KCNH8: variants seen among roughly 807,000 people sequenced by gnomAD.
The protein encoded by KCNH8 is potassium voltage-gated channel subfamily H member 8.
Under a neutral mutation model 103.6 loss-of-function variants are expected in KCNH8, and 70 were observed. That is an observed-to-expected ratio of 0.68 (90% CI 0.56 to 0.82). KCNH8 has a LOEUF of 0.82. Among genes scored for constraint, KCNH8 ranks in the 40% least tolerant of loss-of-function variants. The pLI, the probability that KCNH8 is intolerant of heterozygous loss-of-function variation, is 0.00. For missense variants in KCNH8, 1,217 were observed against 1,329.9 expected (o/e 0.92, Z 1.32); for synonymous variants, 498 against 489.4 (o/e 1.02, Z -0.23).
intron 1 of KCNH8, among the ~76,000 whole-genome samples, chr3:19,246,662 A>AT (rs1478138298): frequency 2.0e-5 from 3 of 152,178 alleles, no homozygotes; most frequent in South Asian, 4.2e-4. Flanking sequence ...AGTCTCTCTT[A>AT]TTTTTTTATC....
At chr3:19,452,387 CA>C in intron 10 of KCNH8, among the ~76,000 whole-genome samples, 1 of 151,530 alleles carries the variant, frequency 6.6e-6, no homozygotes, top group East Asian at 1.9e-4. Context: ...GACAGAGTCT[CA>C]AAAAAAATCA....
At chr3:19,329,912 C>G (rs1474572519) in intron 3 of KCNH8, among the ~76,000 whole-genome samples, 1 of 151,194 alleles carries the variant, frequency 6.6e-6, no homozygotes, top group Non-Finnish European at 1.5e-5. Context: ...TTCTGATTGG[C>G]TTTTAGCTTT....
intron 3 of KCNH8, among the ~76,000 whole-genome samples, chr3:19,312,605 C>T (rs182781852): frequency 9.4e-4 from 143 of 152,034 alleles, no homozygotes; most frequent in Non-Finnish European, 1.1e-3. Context: ...CCAATCACAG[C>T]TTCTCGTCAT....
intron 3 of KCNH8, among the ~76,000 whole-genome samples, chr3:19,313,200 CA>C (rs2125298381): frequency 6.6e-6 from 1 of 151,882 alleles, no homozygotes; most frequent in South Asian, 2.1e-4. Context: ...GGCAGGCACT[CA>C]AAAGGGGGCT....
intron 15 of KCNH8, among the ~76,000 whole-genome samples, chr3:19,524,589 A>G (rs1385038931): frequency 6.7e-6 from 1 of 150,294 alleles, no homozygotes; most frequent in African/African-American, 2.4e-5. Context: ...GGATCTCTCA[A>G]AAGAAAAAAA....
intron 2 of KCNH8, among the ~76,000 whole-genome samples, chr3:19,279,951 A>C (rs951247033): frequency 2.0e-5 from 3 of 152,154 alleles, no homozygotes; most frequent in African/African-American, 7.2e-5. Flanking sequence ...CACCCAAATA[A>C]GACAAGAATT....
chr3:19,161,577 TAATTG>T (rs1449944662), intron 1 of KCNH8, among the ~76,000 whole-genome samples: 1 of 152,228 alleles, frequency 6.6e-6, no homozygotes, highest in Non-Finnish European at 1.5e-5. Context: ...CTTTTGTATC[TAATTG>T]AATTGAAGTA....
chr3:19,211,934 A>G (rs1410914569), intron 1 of KCNH8, among the ~76,000 whole-genome samples: 2 of 152,164 alleles, frequency 1.3e-5, no homozygotes, highest in Non-Finnish European at 2.9e-5. Flanking sequence ...TTAATCACTG[A>G]ATTTGGGAGA....
At chr3:19,466,103 A>G (rs2067730995) in intron 11 of KCNH8, among the ~76,000 whole-genome samples, 1 of 151,640 alleles carries the variant, frequency 6.6e-6, no homozygotes, top group Non-Finnish European at 1.5e-5. Context: ...TCTTTTTTAT[A>G]TTTGTAGAGA....
intron 11 of KCNH8, among the ~76,000 whole-genome samples, chr3:19,467,363 C>G (rs908462034): frequency 6.6e-6 from 1 of 151,924 alleles, no homozygotes; most frequent in Non-Finnish European, 1.5e-5. Flanking sequence ...AAGCAACCTG[C>G]AAAGAAGGCA....
At chr3:19,495,856 G>C (rs567315530) in intron 11 of KCNH8, among the ~76,000 whole-genome samples, 1 of 152,096 alleles carries the variant, frequency 6.6e-6, no homozygotes, top group East Asian at 1.9e-4. Flanking sequence ...CCATGTGTTT[G>C]TGTCATCTAT....
intron 1 of KCNH8, among the ~76,000 whole-genome samples, chr3:19,181,079 T>C (rs1484327359): frequency 1.3e-5 from 2 of 152,196 alleles, no homozygotes; most frequent in African/African-American, 4.8e-5. Context: ...TTGCTTTCTT[T>C]CCAGTAACAT....
At chr3:19,362,950 C>G (rs2065966013) in intron 5 of KCNH8, among the ~76,000 whole-genome samples, 1 of 152,148 alleles carries the variant, frequency 6.6e-6, no homozygotes, top group South Asian at 2.1e-4. Flanking sequence ...CTGTGCCCAG[C>G]CTCCTTGGTT....
At chr3:19,432,123 A>T (rs1358924570) in intron 7 of KCNH8, among the ~76,000 whole-genome samples, 1 of 152,188 alleles carries the variant, frequency 6.6e-6, no homozygotes, top group African/African-American at 2.4e-5. Flanking sequence ...GGTTATTTGT[A>T]TACAATATTC....
intron 3 of KCNH8, among the ~76,000 whole-genome samples, chr3:19,320,519 G>A (rs1265533949): frequency 2.6e-5 from 4 of 151,878 alleles, no homozygotes; most frequent in Admixed American, 6.6e-5. Flanking sequence ...TACATTACTG[G>A]TATGAAACCC....
chr3:19,259,126 T>C (rs935726964), intron 2 of KCNH8, among the ~76,000 whole-genome samples: 1 of 151,236 alleles, frequency 6.6e-6, no homozygotes, highest in African/African-American at 2.4e-5. Context: ...CACAAATGCA[T>C]TCATTCTCAC....
In KCNH8 at chr3:19,300,795, T is replaced by A. The variant is rs76308868; in HGVS notation, c.442+19466T>A. On this transcript the variant is annotated intron_variant, in intron 3 of 15. Transcript: ENST00000328405. The stretch of plus-strand genomic sequence containing the variant: ...CCAACCACATTTTCTTCTTTTCAAT[T>A]GAGAGCTAGAGATTTTATATTTATT... 3.7e-3 allele frequency among the ~76,000 whole-genome samples: 566 copies of A among 151,808 alleles called. 33 individuals carry two copies. The East Asian group carries it at 0.099, about 27-fold the overall frequency.
At chr3:19,298,537 A>G (rs1157198959) in intron 3 of KCNH8, among the ~76,000 whole-genome samples, 1 of 152,230 alleles carries the variant, frequency 6.6e-6, no homozygotes, top group Non-Finnish European at 1.5e-5. Context: ...TCATGTGATG[A>G]GCTGGGGGTG....
intron 1 of KCNH8, among the ~76,000 whole-genome samples, chr3:19,224,256 A>G (rs1375546801): frequency 6.6e-6 from 1 of 152,186 alleles, no homozygotes; most frequent in Non-Finnish European, 1.5e-5. Context: ...TGAGTACATT[A>G]TATGTTCCAA....
Sources: allele counts gnomAD v4.1 joint callset (sites outside exome capture counted in the v4.1 genomes callset), GRCh38; gene constraint gnomAD v4.1.1; transcripts MANE v1.5; gene names NCBI Gene and HGNC (gene_info 2026-07-23, HGNC 2026-07-21).